Variants in ZNF254 observed in about 807,000 individuals in gnomAD.
ZNF254 encodes the protein CTD-2017D11.1.
A neutral mutation model predicts 12.4 loss-of-function variants in ZNF254; 10 were observed. The ratio of observed to expected loss-of-function variants is 0.80; its 90% confidence interval spans 0.50 to 1.36. The LOEUF is 1.36. ZNF254 is among the 40% of genes most tolerant of loss of function. The pLI is 0.00. For missense variants in ZNF254, 996 were observed against 763.9 expected, an observed-to-expected ratio of 1.30 and a Z score of -3.58; for synonymous variants, 305 against 253.4, an observed-to-expected ratio of 1.20 and a Z score of -1.93.
intron 2 of ZNF254, chr19:24,049,006 C>T (rs538003472): frequency 1.3e-5 from 2 of 151,790 alleles, no homozygotes; most frequent in East Asian, 3.9e-4. Flanking sequence ...CTGGCCTCGG[C>T]CTCTCAAGGT....
upstream of ZNF254, among the ~76,000 whole-genome samples, chr19:24,086,099 C>A (rs191179122): frequency 6.6e-6 from 1 of 151,092 alleles, no homozygotes; most frequent in East Asian, 2.0e-4. Context: ...CCCAGCTACT[C>A]GGGAGGCTGA....
chr19:24,068,045 T>A (rs1381115026), intron 2 of ZNF254, among the ~76,000 whole-genome samples: 2 of 152,208 alleles, frequency 1.3e-5, no homozygotes, highest in Non-Finnish European at 2.9e-5. Flanking sequence ...TATCACTGCA[T>A]CTGACATTAG....
intron 2 of ZNF254, among the ~76,000 whole-genome samples, chr19:24,059,072 A>G (rs558109788): frequency 9.3e-4 from 142 of 152,366 alleles, no homozygotes; most frequent in African/African-American, 3.3e-3. Flanking sequence ...GCCCAACAGC[A>G]TAATGACGTT....
intron 1 of ZNF254, among the ~76,000 whole-genome samples, chr19:24,102,080 A>G (rs1973064716): frequency 6.6e-6 from 1 of 152,212 alleles, no homozygotes; most frequent in Admixed American, 6.5e-5. Flanking sequence ...TTTAGTCTAG[A>G]CTAGCAACTG....
chr19:24,125,390 A>T (rs933381019), intron 3 of ZNF254, among the ~76,000 whole-genome samples: 1 of 151,460 alleles, frequency 6.6e-6, no homozygotes, highest in Non-Finnish European at 1.5e-5. Context: ...TTTATTACCA[A>T]TTATTAAAAT....
At chr19:24,060,686 C>A (rs937473504) in intron 2 of ZNF254, among the ~76,000 whole-genome samples, 1 of 152,186 alleles carries the variant, frequency 6.6e-6, no homozygotes, top group Non-Finnish European at 1.5e-5. Context: ...ATTATCCCAG[C>A]CCACATGGCT....
chr19:24,101,511 TAAA>T (rs936061079), intron 1 of ZNF254, among the ~76,000 whole-genome samples: 1 of 152,192 alleles, frequency 6.6e-6, no homozygotes, highest in African/African-American at 2.4e-5. Flanking sequence ...CTCTTAAGTG[TAAA>T]GAAGCATCTT....
rs752182693 is a variant in ZNF254, at chr19:24,106,333, G to A, written c.158-215G>A. The A allele has an allele frequency of 9.4e-6, 5 of 529,760 alleles. No individual in the cohort carries two copies. In the South Asian group the frequency reaches 1.0e-4, roughly 11 times the overall value. The allele number at this position is 529,760 out of a possible 1,614,324, so 32.8% of individuals were successfully genotyped here. A position where few individuals can be genotyped will look rare whatever the true frequency, so the allele number is the denominator to read the frequency against. ...ATTGTTACATCTTAAAATCCATTTG[G>A]CATCACCAATTTTTGATTCAGTAGT... is the stretch of plus-strand genomic sequence containing the variant. On this transcript the variant is annotated intron_variant, in intron 2 of 3. Coordinates refer to ENST00000357002, the MANE Select transcript of ZNF254 (RefSeq NM_203282.4).
chr19:24,121,880 T>G (rs1974507891), intron 3 of ZNF254, among the ~76,000 whole-genome samples: 1 of 152,026 alleles, frequency 6.6e-6, no homozygotes, highest in Non-Finnish European at 1.5e-5. Flanking sequence ...TTGTTTGTTT[T>G]TTGTATATTT....
chr19:24,127,796 T>C lies in ZNF254; in HGVS notation c.1796T>C (p.Val599Ala), dbSNP rs1380568970. 2 of 1,580,436 alleles carry C rather than the reference T, an allele frequency of 1.3e-6. No homozygotes were observed. Among genetic ancestry groups the C allele is most frequent in the Admixed American group, 3.6e-5 (2 of 55,896 alleles). ...FTKHKVIHTGVKPYKCEECGK... is the reference protein window; with the variant it reads ...FTKHKVIHTGAKPYKCEECGK... ...AAACATAAGGTAATTCATACTGGAG[T>C]AAAACCCTACAAATGTGAAGAATGT... Residue 599 changes from valine to alanine, a missense_variant, in exon 4 of 4, where the codon GTA becomes GCA. Transcript: ENST00000357002.
chr19:24,102,313 C>T (rs1301908001), intron 1 of ZNF254, among the ~76,000 whole-genome samples: 5 of 144,182 alleles, frequency 3.5e-5, no homozygotes, highest in African/African-American at 1.0e-4. Context: ...GTTTAAATTG[C>T]TTATTAGTAT....
intron 1 of ZNF254, among the ~76,000 whole-genome samples, chr19:24,102,735 A>C (rs1186728384): frequency 1.3e-5 from 2 of 152,220 alleles, no homozygotes; most frequent in Non-Finnish European, 2.9e-5. Flanking sequence ...GAGACATTCC[A>C]TTTAGCAACT....
chr19:24,088,964 CTTTTTTTTTTT>C lies in ZNF254; in HGVS notation c.30+1646_30+1656del, dbSNP rs74175785. 2.7e-4 allele frequency among the ~76,000 whole-genome samples: 27 copies of C among 99,294 alleles called. 1 individual carries two copies. Among genetic ancestry groups the C allele is most frequent in the Admixed American group, 9.7e-4 (9 of 9,286 alleles). 65.1% of individuals were successfully genotyped at this position (99,294 alleles called of 152,430 possible). A position where few individuals can be genotyped will look rare whatever the true frequency, so the allele number is the denominator to read the frequency against. ...GAGCCATCTCGCCTGGCCAATTAAT[CTTTTTTTTTTT>C]TTTTTTTTTTTTTTTTTTGAGACAG... is the stretch of plus-strand genomic sequence containing the variant. On this transcript the variant is annotated intron_variant, in intron 1 of 3. Coordinates refer to ENST00000357002, the MANE Select transcript of ZNF254 (RefSeq NM_203282.4).
intron 2 of ZNF254, among the ~76,000 whole-genome samples, chr19:24,052,850 C>T (rs926078218): frequency 6.6e-6 from 1 of 152,146 alleles, no homozygotes; most frequent in African/African-American, 2.4e-5. Flanking sequence ...CTCTAAACAA[C>T]CAATAGCAGA....
upstream of ZNF254, among the ~76,000 whole-genome samples, chr19:24,082,290 ATTATT>A (rs889398168): frequency 4.8e-4 from 72 of 150,956 alleles, no homozygotes; most frequent in African/African-American, 1.1e-3. Flanking sequence ...CTTATTCAAA[ATTATT>A]TTATTTAATT....
intron 2 of ZNF254, among the ~76,000 whole-genome samples, chr19:24,068,206 T>G (rs1195064680): frequency 1.3e-5 from 2 of 152,036 alleles, no homozygotes; most frequent in Non-Finnish European, 2.9e-5. Flanking sequence ...CCACCAGGTA[T>G]GTGTCTATCC....
chr19:24,037,516 C>T (rs187619449), intron 1 of ZNF254, among the ~76,000 whole-genome samples: 46 of 152,352 alleles, frequency 3.0e-4, no homozygotes, highest in African/African-American at 1.0e-3. Context: ...TTACTGCAAC[C>T]TCCACCTCCT....
intron 2 of ZNF254, among the ~76,000 whole-genome samples, chr19:24,077,782 G>A (rs774612261): frequency 4.1e-4 from 62 of 152,168 alleles, no homozygotes; most frequent in Non-Finnish European, 7.8e-4. Context: ...CAGGGTGTGT[G>A]TGTCTAAAGG....
At chr19:24,072,831 G>A (rs4932742) in intron 2 of ZNF254, among the ~76,000 whole-genome samples, 22,108 of 152,166 alleles carry the variant, frequency 0.15, 2,555 homozygotes, top group African/African-American at 0.32. Context: ...ATGACTCTCT[G>A]TCTGATCCCT....
Sources: gnomAD v4.1 joint callset for allele counts (sites outside exome capture counted in the v4.1 genomes callset) on GRCh38, gnomAD v4.1.1 for gene constraint, MANE v1.5 for transcripts, NCBI Gene and HGNC (gene_info 2026-07-23, HGNC 2026-07-21) for gene names.